The following PPP6R3 variants were observed in gnomAD, a reference collection of about 807,000 sequenced individuals.
The protein encoded by PPP6R3 is protein phosphatase 6 regulatory subunit 3.
A neutral mutation model predicts 110.7 loss-of-function variants in PPP6R3; 38 were observed. That is an observed-to-expected ratio of 0.34 (90% CI 0.26 to 0.45). PPP6R3 has a LOEUF of 0.45. Ranked by LOEUF, PPP6R3 falls within the 20% of genes least tolerant of loss-of-function variation. PPP6R3 has a pLI of 1.00. For synonymous variants in PPP6R3, 369 were observed against 373.5 expected (o/e 0.99, Z 0.14); for missense variants, 870 against 1,062.4 (o/e 0.82, Z 2.52).
chr11:68,506,413 T>TCAAAAAAAA (rs2099077084), intron 1 of PPP6R3, among the ~76,000 whole-genome samples: 1 of 17,240 alleles, frequency 5.8e-5, no homozygotes, highest in Non-Finnish European at 1.1e-4. Flanking sequence ...CCCTTTATAC[T>TCAAAAAAAA]CAAAAAAAAA....
intron 3 of PPP6R3, among the ~76,000 whole-genome samples, chr11:68,539,559 C>T (rs957685403): frequency 6.6e-6 from 1 of 152,200 alleles, no homozygotes; most frequent in African/African-American, 2.4e-5. Flanking sequence ...TGCTTCTGCC[C>T]TGAGCAGAGT....
intron 1 of PPP6R3, among the ~76,000 whole-genome samples, chr11:68,511,939 G>A (rs2099113001): frequency 6.6e-6 from 1 of 152,072 alleles, no homozygotes; most frequent in East Asian, 1.9e-4. Flanking sequence ...TGTGACCTTG[G>A]GGGTTCTTTT....
chr11:68,607,356 G>A (rs1381265317), intron 22 of PPP6R3, among the ~76,000 whole-genome samples: 1 of 152,216 alleles, frequency 6.6e-6, no homozygotes, highest in Non-Finnish European at 1.5e-5. Flanking sequence ...ATGGGGAAGG[G>A]AGAGGAAGGG....
chr11:68,511,781 G>C (rs1466330886), intron 1 of PPP6R3, among the ~76,000 whole-genome samples: 3 of 72,474 alleles, frequency 4.1e-5, no homozygotes, highest in Admixed American at 2.7e-4. Flanking sequence ...GCGCCCAGCC[G>C]TGTGTGTGTG....
intron 18 of PPP6R3, among the ~76,000 whole-genome samples, chr11:68,591,972 G>A (rs1325548046): frequency 1.3e-5 from 2 of 152,200 alleles, no homozygotes; most frequent in Non-Finnish European, 2.9e-5. Flanking sequence ...GCAGACAAGC[G>A]TAGTCACATA....
intron 2 of PPP6R3, among the ~76,000 whole-genome samples, chr11:68,525,709 T>G (rs543825828): frequency 6.6e-6 from 1 of 152,216 alleles, no homozygotes; most frequent in South Asian, 2.1e-4. Flanking sequence ...TTATAGAATT[T>G]GATAGCTCTT....
intron 3 of PPP6R3, among the ~76,000 whole-genome samples, chr11:68,542,393 T>TTTTTTTGTTTTTG (rs1317252286): frequency 1.0e-5 from 1 of 99,526 alleles, no homozygotes; most frequent in Non-Finnish European, 2.0e-5. Context: ...GCTGCTGTTT[T>TTTTTTTGTTTTTG]TTTTTTTTTT....
intron 2 of PPP6R3, among the ~76,000 whole-genome samples, chr11:68,523,437 C>T (rs191840310): frequency 1.4e-4 from 21 of 152,298 alleles, no homozygotes; most frequent in East Asian, 1.3e-3. Flanking sequence ...TGAATAGATC[C>T]GTCAGACCTT....
chr11:68,556,049 T>C (rs2099398196), intron 7 of PPP6R3, among the ~76,000 whole-genome samples: 1 of 152,244 alleles, frequency 6.6e-6, no homozygotes, highest in Non-Finnish European at 1.5e-5. Context: ...TGTGATAATA[T>C]GTAATATCTA....
In PPP6R3 at chr11:68,564,384, C is replaced by A; in HGVS notation, c.927C>A (p.Ile309=). The change falls in exon 9 of 24, where the codon ATC becomes ATA. Residue 309 remains isoleucine (I), a synonymous_variant. Transcript: ENST00000393800. ...CSVNKSVLEA[I]RGRLGSFHEL... is the part of the protein sequence containing the mutation. ...TAAACAAGAGTGTTCTAGAAGCCAT[C>A]AGAGGAAGACTTGGATCTTTTCATG... 1 of 1,613,842 alleles carries A rather than the reference C, an allele frequency of 6.2e-7. No homozygotes were observed. The highest frequency in any genetic ancestry group is 8.5e-7 in the Non-Finnish European group (1 of 1,179,700).
At chr11:68,497,687 T>C (rs2099025946) in intron 1 of PPP6R3, among the ~76,000 whole-genome samples, 1 of 152,230 alleles carries the variant, frequency 6.6e-6, no homozygotes, top group Non-Finnish European at 1.5e-5. Context: ...AAATATGATT[T>C]GTCAATATTC....
chr11:68,564,191 TCCCGCAGCCAG>T, intron 8 of PPP6R3, 101 bp from the exon 9 acceptor site: 1 of 1,155,448 alleles, frequency 8.7e-7, no homozygotes, highest in Admixed American at 2.4e-5. Flanking sequence ...TAGCCTTTTT[TCCCGCAGCCAG>T]AAAAGTTGAT....
chr11:68,493,617 A>ATG (rs1491148738), intron 1 of PPP6R3, among the ~76,000 whole-genome samples: 4 of 17,512 alleles, frequency 2.3e-4, no homozygotes, highest in Non-Finnish European at 1.0e-3. Context: ...AAACAAAACC[A>ATG]TATATATATA....
chr11:68,542,416 CAG>C (rs1373903749), intron 3 of PPP6R3, among the ~76,000 whole-genome samples: 3 of 2,302 alleles, frequency 1.3e-3, no homozygotes, highest in East Asian at 5.5e-3. Flanking sequence ...TTTTTTAAGA[CAG>C]AGTCTTGCTC....
At chr11:68,485,155 AT>A (rs993928423) in intron 1 of PPP6R3, among the ~76,000 whole-genome samples, 16 of 148,766 alleles carry the variant, frequency 1.1e-4, no homozygotes, top group East Asian at 3.9e-4. Flanking sequence ...AATATAAATA[AT>A]TTTTTTTTTA....
chr11:68,526,464 G>T (rs555869878), intron 2 of PPP6R3, among the ~76,000 whole-genome samples: 8 of 152,024 alleles, frequency 5.3e-5, no homozygotes, highest in Admixed American at 2.6e-4. Context: ...GGCTGATCTT[G>T]AACTCCTGGA....
chr11:68,587,712 T>G, intron 15 of PPP6R3: 1 of 623,060 alleles, frequency 1.6e-6, no homozygotes, highest in South Asian at 1.8e-5. Flanking sequence ...TACAGTGACA[T>G]GTGCATTAGA....
intron 3 of PPP6R3, 46 bp from the exon 4 acceptor site, chr11:68,544,792 T>G: frequency 2.3e-6 from 3 of 1,326,372 alleles, no homozygotes; most frequent in Non-Finnish European, 3.1e-6. Context: ...CTTTATGTAA[T>G]TAAACTGTTA....
chr11:68,563,460 CT>C (rs2099437308), intron 8 of PPP6R3, among the ~76,000 whole-genome samples: 1 of 152,152 alleles, frequency 6.6e-6, no homozygotes, highest in East Asian at 1.9e-4. Context: ...CTAGGATAAT[CT>C]TTCATCTCAA....
Sources: gnomAD v4.1 joint callset for allele counts (sites outside exome capture counted in the v4.1 genomes callset) on GRCh38, gnomAD v4.1.1 for gene constraint, MANE v1.5 for transcripts, NCBI Gene and HGNC (gene_info 2026-07-23, HGNC 2026-07-21) for gene names.